The following MPPED2 variants were observed in gnomAD, a reference collection of about 807,000 sequenced individuals.
MPPED2 encodes metallophosphoesterase domain containing 2, also known as metallophosphoesterase MPPED2.
MPPED2 carries 5 observed loss-of-function variants against 33.0 expected under a neutral mutation model. That is an observed-to-expected ratio of 0.15 (90% CI 0.08 to 0.32). The LOEUF (loss-of-function observed/expected upper bound fraction) is 0.32. MPPED2 is among the 10% of genes least tolerant of loss of function. MPPED2 has a pLI of 1.00. For synonymous variants in MPPED2, 136 were observed against 141.9 expected (o/e 0.96, Z 0.29); for missense variants, 275 against 372.1 (o/e 0.74, Z 2.15).
chr11:30,455,361 A>C (rs1247847165), intron 4 of MPPED2, among the ~76,000 whole-genome samples: 1 of 152,340 alleles, frequency 6.6e-6, no homozygotes, highest in South Asian at 2.1e-4. Context: ...TGACCCTGTC[A>C]AAAGGCCAGT....
chr11:30,391,017 G>C (rs2133695186), intron 6 of MPPED2, among the ~76,000 whole-genome samples: 1 of 152,216 alleles, frequency 6.6e-6, no homozygotes, highest in African/African-American at 2.4e-5. Context: ...ACAGGAGAGT[G>C]GCAAAATTAT....
At chr11:30,456,091 T>TA (rs1950267953) in intron 4 of MPPED2, among the ~76,000 whole-genome samples, 1 of 152,216 alleles carries the variant, frequency 6.6e-6, no homozygotes, top group South Asian at 2.1e-4. Flanking sequence ...ATTGCTTCTC[T>TA]ATGGAAAAGC....
chr11:30,433,285 A>G (rs1250751929), intron 4 of MPPED2, among the ~76,000 whole-genome samples: 1 of 152,230 alleles, frequency 6.6e-6, no homozygotes, highest in African/African-American at 2.4e-5. Context: ...ACCCTGCAGA[A>G]AAGAAGCCTG....
chr11:30,497,240 A>C (rs1030001015), intron 3 of MPPED2, among the ~76,000 whole-genome samples: 2 of 152,210 alleles, frequency 1.3e-5, no homozygotes, highest in Non-Finnish European at 2.9e-5. Context: ...GCACAATTCC[A>C]GAACTTCAAG....
chr11:30,414,042 C>T (rs1233709031), intron 6 of MPPED2, among the ~76,000 whole-genome samples, 186 bp downstream of exon 6: 4 of 152,130 alleles, frequency 2.6e-5, no homozygotes, highest in African/African-American at 9.7e-5. Context: ...ACTCTGTTTA[C>T]AAGAGAGAAG....
chr11:30,458,043 A>G (rs558946068), intron 4 of MPPED2, among the ~76,000 whole-genome samples: 3 of 152,344 alleles, frequency 2.0e-5, no homozygotes, highest in South Asian at 2.1e-4. Flanking sequence ...AAGGAGCTCT[A>G]CTGTGAGAGC....
intron 6 of MPPED2, among the ~76,000 whole-genome samples, chr11:30,400,076 G>A (rs1038319528): frequency 2.0e-5 from 3 of 152,058 alleles, no homozygotes; most frequent in African/African-American, 7.2e-5. Flanking sequence ...GGGTTATACA[G>A]CATATTACTT....
chr11:30,432,428 A>C (rs964142292), intron 4 of MPPED2, among the ~76,000 whole-genome samples: 1 of 134,286 alleles, frequency 7.4e-6, no homozygotes, highest in Admixed American at 6.9e-5. Flanking sequence ...AAAATAAAGC[A>C]GGTTATAGTT....
intron 4 of MPPED2, among the ~76,000 whole-genome samples, chr11:30,490,149 C>T (rs745316417): frequency 2.0e-5 from 3 of 152,090 alleles, no homozygotes; most frequent in African/African-American, 7.2e-5. Flanking sequence ...CCATACTCAG[C>T]CTTTGAGAAA....
chr11:30,429,438 A>G (rs1948984895), intron 4 of MPPED2, among the ~76,000 whole-genome samples: 1 of 152,180 alleles, frequency 6.6e-6, no homozygotes, highest in South Asian at 2.1e-4. Context: ...AGACCGATTT[A>G]GTAAAGTGAG....
At chr11:30,471,756 G>A (rs1349040626) in intron 4 of MPPED2, among the ~76,000 whole-genome samples, 1 of 152,148 alleles carries the variant, frequency 6.6e-6, no homozygotes, top group Non-Finnish European at 1.5e-5. Context: ...TTCGATAAAT[G>A]GTAGTTAAGT....
chr11:30,511,383 A>G (rs1287685505), intron 3 of MPPED2, among the ~76,000 whole-genome samples: 3 of 152,208 alleles, frequency 2.0e-5, no homozygotes, highest in Non-Finnish European at 4.4e-5. Flanking sequence ...ACCTATCAAC[A>G]TAACTCAGAT....
chr11:30,426,885 CA>C (rs1212953115), intron 4 of MPPED2, among the ~76,000 whole-genome samples: 1 of 152,122 alleles, frequency 6.6e-6, no homozygotes, highest in Admixed American at 6.5e-5. Flanking sequence ...TCCTCCTATA[CA>C]TTCCATAATA....
intron 3 of MPPED2, among the ~76,000 whole-genome samples, chr11:30,506,031 GTTA>G (rs577745420): frequency 4.0e-5 from 6 of 151,634 alleles, no homozygotes; most frequent in Non-Finnish European, 7.4e-5. Flanking sequence ...AATTATTATT[GTTA>G]TTATTATTAT....
At chr11:30,471,818 T>C (rs1950957602) in intron 4 of MPPED2, among the ~76,000 whole-genome samples, 1 of 152,238 alleles carries the variant, frequency 6.6e-6, no homozygotes, top group African/African-American at 2.4e-5. Context: ...CTACCATTGA[T>C]GCAGGGGTGC....
intron 3 of MPPED2, among the ~76,000 whole-genome samples, chr11:30,518,773 CTG>C (rs1953683495): frequency 6.6e-6 from 1 of 152,176 alleles, no homozygotes; most frequent in Admixed American, 6.5e-5. Flanking sequence ...ATGCACAGGA[CTG>C]TGAAGATAGA....
chr11:30,431,750 C>T (rs1485672971), intron 4 of MPPED2, among the ~76,000 whole-genome samples: 13 of 151,982 alleles, frequency 8.6e-5, no homozygotes, highest in Admixed American at 4.6e-4. Context: ...TTGTTAATGC[C>T]TTAAAGGATG....
At chr11:30,535,500 C>A (rs997292991) in intron 3 of MPPED2, among the ~76,000 whole-genome samples, 1 of 152,100 alleles carries the variant, frequency 6.6e-6, no homozygotes, top group Non-Finnish European at 1.5e-5. Flanking sequence ...TCTAGAACAC[C>A]CTCCAGCTCA....
chr11:30,491,475 A>G (rs942926031), intron 4 of MPPED2, among the ~76,000 whole-genome samples: 5 of 152,212 alleles, frequency 3.3e-5, no homozygotes, highest in African/African-American at 7.2e-5. Flanking sequence ...TGACAGAGGT[A>G]TAAAGTAGTT....
Sources: gnomAD v4.1 joint callset for allele counts (sites outside exome capture counted in the v4.1 genomes callset) on GRCh38, gnomAD v4.1.1 for gene constraint, MANE v1.5 for transcripts, NCBI Gene and HGNC (gene_info 2026-07-23, HGNC 2026-07-21) for gene names.